Variants in DYSF observed in about 807,000 individuals in gnomAD.
The protein encoded by DYSF is dysferlin.
A neutral mutation model predicts 274.9 loss-of-function variants in DYSF; 212 were observed. The ratio of observed to expected loss-of-function variants is 0.77; its 90% CI spans 0.69 to 0.86. The LOEUF (loss-of-function observed/expected upper bound fraction) is 0.86. DYSF is among the 40% of genes least tolerant of loss of function. DYSF has a pLI of 0.00. For synonymous variants in DYSF, 1,091 were observed against 1,078.7 expected (o/e 1.01, Z -0.22); for missense variants, 2,666 against 2,783.2 (o/e 0.96, Z 0.95).
chr2:71,665,102 C>T lies in DYSF; in HGVS notation c.5175-60C>T, dbSNP rs2094971406. 1.6e-5 allele frequency: 26 copies of T among 1,609,644 alleles called. No homozygotes were observed. In the South Asian group the frequency reaches 2.5e-4, roughly 16 times the overall value. Reference sequence around the variant, plus strand: ...TGGGGGTACACCAGTCCCTGCATGCCCCTCTACCCTCATGAGTGTCCTTGA... The same window carrying T: ...TGGGGGTACACCAGTCCCTGCATGCTCCTCTACCCTCATGAGTGTCCTTGA... On this transcript the variant is annotated intron_variant, in intron 46 of 55. Transcript: ENST00000410020.
intron 41 of DYSF, among the ~76,000 whole-genome samples, chr2:71,626,314 T>C (rs2094205508): frequency 6.6e-6 from 1 of 151,722 alleles, no homozygotes; most frequent in Non-Finnish European, 1.5e-5. Flanking sequence ...AGCTGTTTTT[T>C]TTCATGAATG....
chr2:71,518,691 A>G (rs963125739), intron 10 of DYSF, among the ~76,000 whole-genome samples: 5 of 152,212 alleles, frequency 3.3e-5, no homozygotes, highest in Non-Finnish European at 2.9e-5. Flanking sequence ...ATCCAAGTAT[A>G]TCATGCCTTC....
At chr2:71,476,460 G>C (rs1178742448) in intron 1 of DYSF, among the ~76,000 whole-genome samples, 1 of 151,350 alleles carries the variant, frequency 6.6e-6, no homozygotes, top group East Asian at 2.0e-4. Flanking sequence ...AGAATCGCTT[G>C]AACCTGGGAG....
rs550626744 is a variant in DYSF at position 71,656,063 on chromosome 2, A to G, written c.4627-99A>G. The G allele has an allele frequency of 3.2e-5, 46 of 1,432,894 alleles. No individual in the cohort carries two copies. In the Admixed American group the frequency reaches 7.6e-4, roughly 24 times the overall value. The allele number at this position is 1,432,894 out of a possible 1,614,324, so 88.8% of individuals were successfully genotyped here. A position where few individuals can be genotyped will look rare whatever the true frequency, so the allele number is the denominator to read the frequency against. On this transcript the variant is annotated intron_variant, in intron 42 of 55. Coordinates refer to ENST00000410020, the MANE Select transcript of DYSF (RefSeq NM_001130987.2). ...CTTCTCTCTCTTTATTCACTCTCAC[A>G]CTGTCATGTTTCCCCTCCTTCTCTT... is the stretch of plus-strand genomic sequence containing the variant.
At chr2:71,613,262 G>T in intron 39 of DYSF, 72 bp from the exon 40 acceptor site, 1 of 1,412,224 alleles carries the variant, frequency 7.1e-7, no homozygotes, top group Non-Finnish European at 9.9e-7. Context: ...CCTTGGTTGA[G>T]CCCTGGGGCT....
Position 71,660,054 on chromosome 2 carries a change from G to T in DYSF, c.4912-506G>T, listed in dbSNP as rs61408901. Among the ~76,000 whole-genome samples, 27 of 152,330 alleles carry T rather than the reference G, an allele frequency of 1.8e-4. 1 individual carries two copies. The East Asian group carries it at 5.2e-3, about 29-fold the overall frequency. ...GGCCAGTGGGTTGGTTTATATGCTT[G>T]AAGCCTTCCTGATGCTAGACTAACC... On this transcript the variant is annotated intron_variant, in intron 44 of 55. Coordinates refer to ENST00000410020, the MANE Select transcript of DYSF (RefSeq NM_001130987.2).
At chr2:71,668,656 T>G (rs560247210) in intron 48 of DYSF, 98 bp from the exon 49 acceptor site, 1 of 1,187,660 alleles carries the variant, frequency 8.4e-7, no homozygotes, top group East Asian at 2.5e-5. Context: ...GGCCTGGGTT[T>G]CTCTGTTCTG....
At chr2:71,462,907 A>G (rs1371748718), upstream of DYSF, among the ~76,000 whole-genome samples, 1 of 152,174 alleles carries the variant, frequency 6.6e-6, no homozygotes, top group East Asian at 1.9e-4. Flanking sequence ...TGTTTGGTCC[A>G]TGGGTGACCA....
At chr2:71,669,985 G>C (rs531329288) in intron 51 of DYSF, among the ~76,000 whole-genome samples, 2 of 152,064 alleles carry the variant, frequency 1.3e-5, no homozygotes, top group African/African-American at 2.4e-5. Context: ...CAATGTCACC[G>C]TGGCTGCTGT....
intron 21 of DYSF, 47 bp from the exon 22 acceptor site, chr2:71,555,918 C>T: frequency 1.4e-6 from 2 of 1,476,604 alleles, no homozygotes; most frequent in South Asian, 1.2e-5. Flanking sequence ...AGCATGCACC[C>T]TCTGCCCTGT....
At position 71,528,315 on chromosome 2, in the gene DYSF, G is replaced by C. The variant is rs1236927848; in HGVS notation, c.1294G>C (p.Asp432His). ...DLPQMDDAVM[D>H]NVKQIFGFES... ...CTTCCCAGTGGACGATGCCGTGATG[G>C]ACAACGTGAAACAGATCTTTGGCTT... The change falls in exon 14 of 56, where the codon GAC becomes CAC. Residue 432 changes from aspartate to histidine, a missense_variant. Physicochemically the swap from Asp to His is moderately conservative, Grantham distance 81. Transcript: ENST00000410020. The C allele has an allele frequency of 6.2e-7, 1 of 1,614,100 alleles. No individual in the cohort carries two copies. Among genetic ancestry groups the C allele is most frequent in the Non-Finnish European group, 8.5e-7 (1 of 1,180,008 alleles).
intron 49 of DYSF, 62 bp downstream of exon 49, chr2:71,668,904 T>C: frequency 6.5e-7 from 1 of 1,538,404 alleles, no homozygotes; most frequent in Non-Finnish European, 8.9e-7. Flanking sequence ...CAGCCTGCTG[T>C]GGGCGGGACT....
chr2:71,599,860 T>C (rs1442633151), intron 33 of DYSF, among the ~76,000 whole-genome samples: 2 of 152,180 alleles, frequency 1.3e-5, no homozygotes, highest in African/African-American at 4.8e-5. Context: ...CAGGGGCAGC[T>C]GGCCATGGGT....
intron 3 of DYSF, among the ~76,000 whole-genome samples, chr2:71,486,659 G>C (rs1256815801): frequency 6.6e-6 from 1 of 152,180 alleles, no homozygotes; most frequent in Non-Finnish European, 1.5e-5. Context: ...GGGCTGCTCA[G>C]CATGCCATTA....
intron 16 of DYSF, among the ~76,000 whole-genome samples, chr2:71,537,151 A>G (rs2152763645): frequency 6.6e-6 from 1 of 150,788 alleles, no homozygotes; most frequent in East Asian, 1.9e-4. Flanking sequence ...TACAAATGCC[A>G]TTAACTGTCA....
chr2:71,642,532 A>C (rs2094503516), intron 41 of DYSF, among the ~76,000 whole-genome samples: 1 of 152,194 alleles, frequency 6.6e-6, no homozygotes, highest in Non-Finnish European at 1.5e-5. Flanking sequence ...ACAAGTCAGA[A>C]AGCTCTGCCA....
In DYSF at chr2:71,672,701, C is replaced by T. The variant is rs139704025; in HGVS notation, c.5785-1496C>T. The stretch of plus-strand genomic sequence containing the variant: ...GCCGTTTGAACCTCTGGCTCATTAC[C>T]GAGCCCATAAACCAAGCTGGCCAGA... On this transcript the variant is annotated intron_variant, in intron 51 of 55. Transcript: ENST00000410020. 6.2e-3 allele frequency among the ~76,000 whole-genome samples: 943 copies of T among 152,338 alleles called. 11 individuals carry two copies. The highest frequency in any genetic ancestry group is 0.022 in the African/African-American group (919 of 41,580).
intron 1 of DYSF, among the ~76,000 whole-genome samples, chr2:71,478,919 C>A (rs1405908418): frequency 1.3e-5 from 2 of 152,094 alleles, no homozygotes; most frequent in African/African-American, 4.8e-5. Context: ...TCCTCCTCTT[C>A]TCCAGGCTCT....
intron 33 of DYSF, among the ~76,000 whole-genome samples, chr2:71,599,641 G>C (rs1013570466): frequency 6.6e-6 from 1 of 152,232 alleles, no homozygotes. Context: ...TTTCCGAAGA[G>C]GAGGCTGGAT....
Sources: allele counts gnomAD v4.1 joint callset (sites outside exome capture counted in the v4.1 genomes callset), GRCh38; gene constraint gnomAD v4.1.1; transcripts MANE v1.5; gene names NCBI Gene and HGNC (gene_info 2026-07-23, HGNC 2026-07-21).